Variants in KCNMB2 observed in about 807,000 individuals in gnomAD.
The protein encoded by KCNMB2 is calcium-activated potassium channel subunit beta-2.
A neutral mutation model predicts 24.5 loss-of-function variants in KCNMB2; 9 were observed. The ratio of observed to expected loss-of-function variants is 0.37; its 90% CI spans 0.22 to 0.64. The LOEUF is 0.64. Ranked by LOEUF, KCNMB2 falls within the 30% of genes least tolerant of loss-of-function variation. KCNMB2 has a pLI of 0.63. For synonymous variants in KCNMB2, 109 were observed against 104.4 expected, an observed-to-expected ratio of 1.04 and a Z score of -0.27; for missense variants, 226 against 284.3, an observed-to-expected ratio of 0.79 and a Z score of 1.47.
chr3:178,674,429 T>C (rs946035305), intron 1 of KCNMB2, among the ~76,000 whole-genome samples: 5 of 152,192 alleles, frequency 3.3e-5, no homozygotes, highest in African/African-American at 4.8e-5. Flanking sequence ...AATGGTAACT[T>C]AGTTGCTCAA....
At chr3:178,796,584 A>T (rs748719640) in intron 1 of KCNMB2, among the ~76,000 whole-genome samples, 4 of 152,238 alleles carry the variant, frequency 2.6e-5, no homozygotes, top group Non-Finnish European at 5.9e-5. Context: ...TAAAACTAGA[A>T]ATCAATAACA....
chr3:178,636,298 T>G (rs897056846), intron 1 of KCNMB2, among the ~76,000 whole-genome samples: 2 of 152,194 alleles, frequency 1.3e-5, no homozygotes, highest in African/African-American at 4.8e-5. Context: ...TATAATGCAG[T>G]GTATACTGCT....
intron 1 of KCNMB2, among the ~76,000 whole-genome samples, chr3:178,737,812 A>C (rs2108373886): frequency 6.6e-6 from 1 of 152,348 alleles, no homozygotes; most frequent in East Asian, 1.9e-4. Flanking sequence ...AGGATTACTC[A>C]GGATTTGATT....
intron 1 of KCNMB2, among the ~76,000 whole-genome samples, chr3:178,693,654 A>G (rs1189366094): frequency 6.6e-6 from 1 of 152,084 alleles, no homozygotes; most frequent in African/African-American, 2.4e-5. Flanking sequence ...GTTTGCCAGT[A>G]TTTTGCTGAG....
At chr3:178,552,670 T>C (rs999699479) in intron 1 of KCNMB2, among the ~76,000 whole-genome samples, 1 of 152,226 alleles carries the variant, frequency 6.6e-6, no homozygotes, top group Non-Finnish European at 1.5e-5. Flanking sequence ...GTTAAATATA[T>C]ATTTGTAACT....
At chr3:178,767,129 CA>C (rs1712154840) in intron 1 of KCNMB2, among the ~76,000 whole-genome samples, 1 of 152,130 alleles carries the variant, frequency 6.6e-6, no homozygotes, top group African/African-American at 2.4e-5. Flanking sequence ...TTATCTGGTT[CA>C]AAATGTGAAT....
intron 1 of KCNMB2, among the ~76,000 whole-genome samples, chr3:178,654,632 C>G (rs1405249617): frequency 3.9e-5 from 6 of 152,018 alleles, no homozygotes; most frequent in Non-Finnish European, 1.5e-5. Context: ...AATTATATTC[C>G]AATACTTAGA....
At chr3:178,594,923 A>G (rs1167707570) in intron 1 of KCNMB2, among the ~76,000 whole-genome samples, 1 of 152,060 alleles carries the variant, frequency 6.6e-6, no homozygotes, top group African/African-American at 2.4e-5. Context: ...TCTGTTTGCA[A>G]TTCTTCTTTC....
intron 1 of KCNMB2, among the ~76,000 whole-genome samples, chr3:178,582,313 G>A (rs116492291): frequency 0.034 from 5,158 of 152,270 alleles, 297 homozygotes; most frequent in African/African-American, 0.12. Flanking sequence ...GCTGAATAAT[G>A]AGAACACGTT....
intron 1 of KCNMB2, among the ~76,000 whole-genome samples, chr3:178,580,562 A>G (rs974277571): frequency 6.6e-6 from 1 of 152,252 alleles, no homozygotes; most frequent in African/African-American, 2.4e-5. Flanking sequence ...AAATAGGAAG[A>G]GAGGAAGTCA....
intron 1 of KCNMB2, among the ~76,000 whole-genome samples, chr3:178,603,781 T>C (rs1718179064): frequency 6.6e-6 from 1 of 152,196 alleles, no homozygotes; most frequent in Non-Finnish European, 1.5e-5. Flanking sequence ...TTGGAAATTC[T>C]ACTGCTTATT....
At chr3:178,694,742 C>A (rs1721812994) in intron 1 of KCNMB2, among the ~76,000 whole-genome samples, 1 of 152,212 alleles carries the variant, frequency 6.6e-6, no homozygotes, top group Admixed American at 6.5e-5. Context: ...GGTGGGCTCC[C>A]AGGGTTTTGA....
rs561080389 is a variant in KCNMB2, at chr3:178,589,474, T to G, written c.-68+52763T>G. Among the ~76,000 whole-genome samples the G allele has an allele frequency of 3.9e-5, 6 of 152,178 alleles. No individual in the cohort carries two copies. In the East Asian group the frequency reaches 9.7e-4, roughly 25 times the overall value. On this transcript the variant is annotated intron_variant, in intron 1 of 4. Coordinates refer to ENST00000452583, the MANE Select transcript of KCNMB2 (RefSeq NM_181361.3). ...GGGGGGAGGGGGAGGTTGTGTTTTT[T>G]TTGTTGTTGTTTGTTTGTTTTTGAG... is the stretch of plus-strand genomic sequence containing the variant.
At chr3:178,606,800 G>A (rs937154894) in intron 1 of KCNMB2, among the ~76,000 whole-genome samples, 1 of 152,150 alleles carries the variant, frequency 6.6e-6, no homozygotes, top group African/African-American at 2.4e-5. Context: ...AGGAGAGTAA[G>A]TCACAAGGGC....
intron 1 of KCNMB2, among the ~76,000 whole-genome samples, chr3:178,546,247 C>A (rs1577001450): frequency 6.6e-6 from 1 of 152,266 alleles, no homozygotes; most frequent in East Asian, 1.9e-4. Flanking sequence ...TCTCAGTCTT[C>A]TAGGTCTATT....
At chr3:178,593,629 T>G (rs1326921725) in intron 1 of KCNMB2, among the ~76,000 whole-genome samples, 6 of 151,898 alleles carry the variant, frequency 4.0e-5, no homozygotes, top group Non-Finnish European at 5.9e-5. Flanking sequence ...AATAGTTATT[T>G]AATGTCCATA....
At chr3:178,805,144 A>G (rs1713914926) in intron 1 of KCNMB2, among the ~76,000 whole-genome samples, 1 of 152,206 alleles carries the variant, frequency 6.6e-6, no homozygotes, top group South Asian at 2.1e-4. Flanking sequence ...GAACAAGAGT[A>G]GATGTATGAA....
intron 1 of KCNMB2, among the ~76,000 whole-genome samples, chr3:178,649,843 T>C (rs914993502): frequency 6.6e-6 from 1 of 152,052 alleles, no homozygotes; most frequent in African/African-American, 2.4e-5. Flanking sequence ...TTTTTCTCCT[T>C]CAGTTCTGCT....
intron 1 of KCNMB2, among the ~76,000 whole-genome samples, chr3:178,618,110 T>C: frequency 6.6e-6 from 1 of 152,134 alleles, no homozygotes; most frequent in Non-Finnish European, 1.5e-5. Flanking sequence ...TAAGCAAAAA[T>C]GAGGGGAAAA....
Sources: gnomAD v4.1 joint callset for allele counts (sites outside exome capture counted in the v4.1 genomes callset) on GRCh38, gnomAD v4.1.1 for gene constraint, MANE v1.5 for transcripts, NCBI Gene and HGNC (gene_info 2026-07-23, HGNC 2026-07-21) for gene names.